Variants in DCAF1 observed in about 807,000 individuals in gnomAD.
DCAF1 encodes the protein DDB1 and CUL4 associated factor 1, also known as DDB1- and CUL4-associated factor 1.
DCAF1 carries 15 observed loss-of-function variants against 128.0 expected under a neutral mutation model. The observed-to-expected ratio is 0.12, with a 90% confidence interval of 0.08 to 0.18. The LOEUF is 0.18. Among genes scored for constraint, DCAF1 ranks in the 10% least tolerant of loss-of-function variants. The pLI is 1.00. For missense variants in DCAF1, 988 were observed against 1,649.5 expected (o/e 0.60, Z 6.95); for synonymous variants, 610 against 603.0 (o/e 1.01, Z -0.17).
chr3:51,458,441 T>C (rs1391708070), intron 6 of DCAF1, among the ~76,000 whole-genome samples: 6 of 152,198 alleles, frequency 3.9e-5, no homozygotes, highest in African/African-American at 1.4e-4. Flanking sequence ...ACAAAGAGAC[T>C]TAGACTCCCA....
At chr3:51,423,031 G>A (rs993055504) in intron 13 of DCAF1, among the ~76,000 whole-genome samples, 8 of 151,606 alleles carry the variant, frequency 5.3e-5, no homozygotes, top group African/African-American at 1.9e-4. Context: ...TTACACCACT[G>A]CACTCCAGTC....
chr3:51,399,369 C>G (rs1020228904), intron 24 of DCAF1, among the ~76,000 whole-genome samples: 1 of 152,348 alleles, frequency 6.6e-6, no homozygotes, highest in East Asian at 1.9e-4. Context: ...TAGATTCATG[C>G]CTCTGTAATT....
chr3:51,478,396 G>A (rs1234281069), intron 3 of DCAF1, among the ~76,000 whole-genome samples: 2 of 152,148 alleles, frequency 1.3e-5, no homozygotes, highest in Non-Finnish European at 2.9e-5. Flanking sequence ...GCATAGCATA[G>A]TGAAAAAGTT....
intron 6 of DCAF1, among the ~76,000 whole-genome samples, chr3:51,447,676 G>A (rs766701440): frequency 6.6e-6 from 1 of 152,070 alleles, no homozygotes; most frequent in Non-Finnish European, 1.5e-5. Flanking sequence ...GGCCAGGCAC[G>A]GTGGCTCATG....
chr3:51,502,565 A>AT (rs1371766004), upstream of DCAF1, among the ~76,000 whole-genome samples: 20 of 151,696 alleles, frequency 1.3e-4, no homozygotes, highest in African/African-American at 3.4e-4. Flanking sequence ...TCAAAAAAAA[A>AT]TTTTTTTTTA....
rs147746685 is a variant in DCAF1 at position 51,497,460 on chromosome 3, G to A, written c.-55-680C>T. On this transcript the variant is annotated intron_variant, in intron 1 of 24. Transcript: ENST00000684031. ...AAATTAGCTGGGCATGGTGGCACGC[G>A]CCTGTAGTCCCAGTTACTCGGGAGG... Among the ~76,000 whole-genome samples the A allele has an allele frequency of 7.1e-4, 108 of 151,632 alleles. 1 individual carries two copies. The East Asian group carries it at 0.017, about 24-fold the overall frequency.
rs377693601 is a variant in DCAF1 at position 51,440,194 on chromosome 3, C to T, written c.1128+776G>A. On this transcript the variant is annotated intron_variant, in intron 9 of 24. Transcript: ENST00000684031. ...TCTGTAGAGATAGTAAGCCTCCTCT[C>T]TTCTATCTAAACAAGAATGTTTTGA... The T allele has an allele frequency of 4.7e-4, 237 of 505,142 alleles. 1 individual carries two copies. Among genetic ancestry groups the T allele is most frequent in the Non-Finnish European group, 8.1e-4 (207 of 255,412 alleles). 31.3% of individuals were successfully genotyped at this position (505,142 alleles called of 1,614,324 possible).
intron 3 of DCAF1, among the ~76,000 whole-genome samples, chr3:51,478,820 T>C (rs1228284263): frequency 1.3e-5 from 2 of 152,144 alleles, no homozygotes; most frequent in African/African-American, 4.8e-5. Flanking sequence ...CCTCTACCAG[T>C]TAAAATCCAG....
At chr3:51,425,783 C>T (rs1180352671) in intron 13 of DCAF1, among the ~76,000 whole-genome samples, 16 of 151,790 alleles carry the variant, frequency 1.1e-4, no homozygotes, top group South Asian at 2.1e-4. Flanking sequence ...AGGCTGGTCT[C>T]GAACTCCTGA....
At chr3:51,478,000 T>C (rs1553651303) in intron 3 of DCAF1, among the ~76,000 whole-genome samples, 1 of 152,088 alleles carries the variant, frequency 6.6e-6, no homozygotes, top group Non-Finnish European at 1.5e-5. Context: ...GTTCCTTATC[T>C]GTTAGTTTTT....
intron 24 of DCAF1, among the ~76,000 whole-genome samples, chr3:51,402,339 T>A (rs1471017839): frequency 2.0e-5 from 3 of 152,124 alleles, no homozygotes; most frequent in Admixed American, 2.0e-4. Flanking sequence ...TGCTTCTGAC[T>A]GATTCTAGCC....
At position 51,412,463 on chromosome 3, in the gene DCAF1, A is replaced by G; in HGVS notation, c.4128T>C (p.Asp1376=). ...TGCATACTGTGTCCATGTTCAGGGC[A>G]TCCATGCTGCCTTGATTCTGAAATA... ...LAVIENQGSM[D]ALNMDTVCRL... Residue 1376 remains aspartate (D), a synonymous_variant, in exon 23 of 25, where the codon GAT becomes GAC. Coordinates refer to ENST00000684031, the MANE Select transcript of DCAF1 (RefSeq NM_001387579.1). 19 of 1,613,990 alleles carry G rather than the reference A, an allele frequency of 1.2e-5. No homozygotes were observed. The highest frequency in any genetic ancestry group is 1.5e-5 in the Non-Finnish European group (18 of 1,179,882).
At chr3:51,476,572 CAAAAAAAAAA>C (rs11359977) in intron 3 of DCAF1, among the ~76,000 whole-genome samples, 1 of 49,636 alleles carries the variant, frequency 2.0e-5, no homozygotes, top group Admixed American at 2.6e-4. Flanking sequence ...AATTATATCT[CAAAAAAAAAA>C]AAAAAAAAAA....
intron 3 of DCAF1, among the ~76,000 whole-genome samples, chr3:51,475,567 T>C (rs1705330540): frequency 6.6e-6 from 1 of 151,778 alleles, no homozygotes; most frequent in Admixed American, 6.6e-5. Context: ...ATGATAAAAC[T>C]GCTGCACTCC....
At chr3:51,416,766 C>T (rs1553630497) in intron 18 of DCAF1, 21 bp downstream of exon 18, 1 of 1,599,410 alleles carries the variant, frequency 6.3e-7, no homozygotes, top group South Asian at 1.1e-5. Flanking sequence ...AGCTTGAAAA[C>T]AGTGGTTCTT....
At chr3:51,421,806 T>C (rs1699415618) in intron 14 of DCAF1, among the ~76,000 whole-genome samples, 1 of 152,204 alleles carries the variant, frequency 6.6e-6, no homozygotes, top group South Asian at 2.1e-4. Flanking sequence ...TTTTTATATA[T>C]GTATGACGGT....
At chr3:51,467,395 T>C (rs2033703) in intron 4 of DCAF1, among the ~76,000 whole-genome samples, 11,240 of 151,968 alleles carry the variant, frequency 0.074, 971 homozygotes, top group East Asian at 0.33. Context: ...AGCAAACTAT[T>C]GCGAGGACAA....
At chr3:51,484,456 G>C (rs746643551) in intron 2 of DCAF1, among the ~76,000 whole-genome samples, 2 of 151,808 alleles carry the variant, frequency 1.3e-5, no homozygotes, top group Non-Finnish European at 2.9e-5. Flanking sequence ...TTGGGCGACA[G>C]AGCAAGACTC....
At chr3:51,454,192 G>A (rs1702644017) in intron 6 of DCAF1, among the ~76,000 whole-genome samples, 1 of 151,950 alleles carries the variant, frequency 6.6e-6, no homozygotes, top group Non-Finnish European at 1.5e-5. Context: ...ACAGGCATGA[G>A]CTACCGTGCC....
Sources: allele counts gnomAD v4.1 joint callset (sites outside exome capture counted in the v4.1 genomes callset), GRCh38; gene constraint gnomAD v4.1.1; transcripts MANE v1.5; gene names NCBI Gene and HGNC (gene_info 2026-07-23, HGNC 2026-07-21).